Variants in LMO2 observed in about 807,000 individuals in gnomAD.
The protein encoded by LMO2 is rhombotin-2.
Under a neutral mutation model 23.2 loss-of-function variants are expected in LMO2, and 20 were observed. The observed-to-expected ratio is 0.86, with a 90% confidence interval of 0.61 to 1.25. The LOEUF is 1.25. Ranked by LOEUF, LMO2 falls within the 50% of genes most tolerant of loss-of-function variation. The pLI is 0.00. For missense variants in LMO2, 270 were observed against 315.3 expected (o/e 0.86, Z 1.09); for synonymous variants, 123 against 130.2 (o/e 0.94, Z 0.38).
chr11:33,874,319 T>C (rs1857088502), intron 2 of LMO2, among the ~76,000 whole-genome samples: 1 of 152,224 alleles, frequency 6.6e-6, no homozygotes, highest in African/African-American at 2.4e-5. Context: ...AACCGAGCCT[T>C]AGGATGAGCA....
chr11:33,881,361 T>C (rs1565035400), intron 2 of LMO2: 1 of 456,616 alleles, frequency 2.2e-6, no homozygotes, highest in Non-Finnish European at 4.4e-6. Context: ...CTGGCAACTT[T>C]TGCAAAATGA....
rs1856727464 is a variant in LMO2 at position 33,864,938 on chromosome 11, G to A, written c.249-121C>T. On this transcript the variant is annotated intron_variant, in intron 4 of 5. Transcript: ENST00000257818. This position sits in a 1 kb window ranked among gnomAD's most constrained non-coding sequence, Gnocchi z 4.8. ...GACTGCCTTTCAGTGACCTAAGGGA[G>A]AAGGGACAGGACAACACATCCCTTG... The A allele has an allele frequency of 1.2e-6, 1 of 851,456 alleles. No individual in the cohort carries two copies. The highest frequency in any genetic ancestry group is 1.9e-6 in the Non-Finnish European group (1 of 517,628). The allele number at this position is 851,456 out of a possible 1,614,324, so 52.7% of individuals were successfully genotyped here.
At chr11:33,877,461 C>A (rs866061702) in intron 2 of LMO2, among the ~76,000 whole-genome samples, 1 of 104,420 alleles carries the variant, frequency 9.6e-6, no homozygotes, top group Non-Finnish European at 1.8e-5. Flanking sequence ...TCTCCAGATT[C>A]TTTTTTTTTT....
chr11:33,862,768 G>A (rs1015432980), intron 5 of LMO2, among the ~76,000 whole-genome samples: 1 of 152,194 alleles, frequency 6.6e-6, no homozygotes, highest in African/African-American at 2.4e-5. Flanking sequence ...GTCAAGAGAT[G>A]TCCCATCTTA....
At chr11:33,870,340 C>T in intron 2 of LMO2, 1 of 982,690 alleles carries the variant, frequency 1.0e-6, no homozygotes, top group Non-Finnish European at 1.2e-6. Flanking sequence ...GAAATAAGCA[C>T]CTACAGAAAT....
chr11:33,863,780 G>C (rs556996819), intron 5 of LMO2, among the ~76,000 whole-genome samples: 3 of 152,304 alleles, frequency 2.0e-5, no homozygotes, highest in Admixed American at 6.5e-5. Context: ...TGGTGTTGTC[G>C]AGTTCCTATT....
At chr11:33,877,657 G>T (rs1442428323) in intron 2 of LMO2, among the ~76,000 whole-genome samples, 5 of 151,688 alleles carry the variant, frequency 3.3e-5, no homozygotes, top group Non-Finnish European at 5.9e-5. Flanking sequence ...TAGAGTCAGG[G>T]TTTCACCATA....
At chr11:33,873,686 G>C (rs1172384976) in intron 2 of LMO2, among the ~76,000 whole-genome samples, 1 of 152,080 alleles carries the variant, frequency 6.6e-6, no homozygotes, top group Non-Finnish European at 1.5e-5. Context: ...CCAATTCCTT[G>C]CAAATCTTAA....
chr11:33,875,238 C>A (rs1028414010), intron 2 of LMO2, among the ~76,000 whole-genome samples: 1 of 152,190 alleles, frequency 6.6e-6, no homozygotes, highest in African/African-American at 2.4e-5. Context: ...GGCACATAGT[C>A]ACCTTCTATG....
Position 33,864,919 on chromosome 11 carries a change from C to T in LMO2, c.249-102G>A. On this transcript the variant is annotated intron_variant, in intron 4 of 5. Transcript: ENST00000257818. This position sits in a 1 kb window ranked among gnomAD's most constrained non-coding sequence, Gnocchi z 4.8. Reference sequence around the variant, plus strand: ...CAGACAGGGCATCTCACCTGACTGCCTTTCAGTGACCTAAGGGAGAAGGGA... The same window carrying T: ...CAGACAGGGCATCTCACCTGACTGCTTTTCAGTGACCTAAGGGAGAAGGGA... 2.0e-6 allele frequency: 2 copies of T among 1,005,796 alleles called. No homozygotes were observed. Among genetic ancestry groups the T allele is most frequent in the Non-Finnish European group, 3.1e-6 (2 of 648,048 alleles). 62.3% of individuals were successfully genotyped at this position (1,005,796 alleles called of 1,614,324 possible).
intron 2 of LMO2, among the ~76,000 whole-genome samples, chr11:33,871,478 G>A (rs1857020830): frequency 6.7e-6 from 1 of 148,978 alleles, no homozygotes; most frequent in Admixed American, 6.7e-5. Flanking sequence ...GGAGGTGGGA[G>A]GATTGCTTGA....
intron 2 of LMO2, among the ~76,000 whole-genome samples, chr11:33,873,950 T>C (rs948605093): frequency 4.6e-5 from 7 of 152,164 alleles, no homozygotes; most frequent in African/African-American, 1.4e-4. Flanking sequence ...ATTGAGAAGA[T>C]CCCAACATTA....
rs1201452461 is a variant in LMO2 at position 33,880,287 on chromosome 11, T to C, written c.-272+1537A>G. On this transcript the variant is annotated intron_variant, in intron 2 of 5. Coordinates refer to ENST00000257818, the MANE Select transcript of LMO2 (RefSeq NM_005574.4). The surrounding 1 kb of genome is among the most constrained non-coding windows in gnomAD (Gnocchi z 4.3). ...TCATACATACACATGATATATATCA[T>C]ATATATCATATATATACATATCATA... Among the ~76,000 whole-genome samples the C allele has an allele frequency of 2.1e-5, 2 of 93,650 alleles. No individual in the cohort carries two copies. Among genetic ancestry groups the C allele is most frequent in the African/African-American group, 1.0e-4 (2 of 19,600 alleles). The allele number at this position is 93,650 out of a possible 152,430, so 61.4% of individuals were successfully genotyped here.
At chr11:33,882,919 C>T (rs936503987) in intron 1 of LMO2, among the ~76,000 whole-genome samples, 1 of 152,164 alleles carries the variant, frequency 6.6e-6, no homozygotes, top group African/African-American at 2.4e-5. Flanking sequence ...AAATTTCCTA[C>T]GTTTGCATGT....
chr11:33,865,218 C>T (rs1347786903), intron 4 of LMO2: 1 of 308,832 alleles, frequency 3.2e-6, no homozygotes, highest in Non-Finnish European at 6.4e-6. Context: ...CACCCAAGGG[C>T]ACTGCCTAAC....
At chr11:33,871,201 C>CTG (rs56309116) in intron 2 of LMO2, 8,762 of 160,028 alleles carry the variant, frequency 0.055, 359 homozygotes, top group East Asian at 0.16. Context: ...TAATCAAAAG[C>CTG]TGTGTGTGTG....
chr11:33,862,181 T>C (rs1430756433), intron 5 of LMO2, among the ~76,000 whole-genome samples: 1 of 152,106 alleles, frequency 6.6e-6, no homozygotes, highest in Non-Finnish European at 1.5e-5. Context: ...CAAGCCAAGT[T>C]GTATCCTCAG....
intron 2 of LMO2, among the ~76,000 whole-genome samples, chr11:33,876,126 C>T (rs1000547299): frequency 1.3e-5 from 2 of 152,196 alleles, no homozygotes; most frequent in Non-Finnish European, 1.5e-5. Flanking sequence ...CTCCCATGTA[C>T]TTCATTCAGG....
chr11:33,880,071 A>G lies in LMO2; in HGVS notation c.-272+1753T>C, dbSNP rs2133710509. 6.6e-6 allele frequency among the ~76,000 whole-genome samples: 1 copy of G among 152,226 alleles called. No homozygotes were observed. The highest frequency in any genetic ancestry group is 1.5e-5 in the Non-Finnish European group (1 of 68,024). Reference sequence around the variant, plus strand: ...CATGTTCACAGCAGTACTATTCACAATAGCCAGAAAGTGGAAGCAACCAAG... The same window carrying G: ...CATGTTCACAGCAGTACTATTCACAGTAGCCAGAAAGTGGAAGCAACCAAG... On this transcript the variant is annotated intron_variant, in intron 2 of 5. Coordinates refer to ENST00000257818, the MANE Select transcript of LMO2 (RefSeq NM_005574.4). The surrounding 1 kb of genome is among the most constrained non-coding windows in gnomAD (Gnocchi z 4.3).
Sources: gnomAD v4.1 joint callset for allele counts (sites outside exome capture counted in the v4.1 genomes callset) on GRCh38, gnomAD v4.1.1 for gene constraint, Gnocchi (gnomAD v3.1) non-coding constraint, MANE v1.5 for transcripts, NCBI Gene and HGNC (gene_info 2026-07-23, HGNC 2026-07-21) for gene names.